The following AVEN variants were observed in gnomAD, a reference collection of about 807,000 sequenced individuals.
AVEN encodes the protein apoptosis and caspase activation inhibitor, also known as cell death regulator Aven.
In AVEN, 41 loss-of-function variants were observed where a neutral mutation model predicts 38.1. That is an observed-to-expected ratio of 1.08 (90% CI 0.84 to 1.40). The LOEUF (loss-of-function observed/expected upper bound fraction) is 1.40, where lower values mean the gene tolerates loss of function less well. Ranked by LOEUF, AVEN falls within the 40% of genes most tolerant of loss-of-function variation. The probability of loss-of-function intolerance (pLI) is 0.00; values close to 1 mark genes in which losing one functional copy is unlikely to be tolerated. For missense variants in AVEN, 605 were observed against 438.8 expected (o/e 1.38, Z -3.38); for synonymous variants, 206 against 171.8 (o/e 1.20, Z -1.56).
chr15:34,048,059 G>T (rs1899782253), intron 5 of AVEN, among the ~76,000 whole-genome samples: 1 of 145,172 alleles, frequency 6.9e-6, no homozygotes, highest in Non-Finnish European at 1.5e-5. Context: ...GTGTTTGGTA[G>T]ATATGGGAGT....
intron 2 of AVEN, among the ~76,000 whole-genome samples, chr15:33,879,929 T>C (rs1366667639): frequency 6.6e-6 from 1 of 152,170 alleles, no homozygotes; most frequent in Non-Finnish European, 1.5e-5. Context: ...ATTATGATTT[T>C]CAATAAAAAT....
chr15:33,875,884 GA>G (rs1472621506), intron 3 of AVEN, 40 bp downstream of exon 3: 1 of 1,557,456 alleles, frequency 6.4e-7, no homozygotes, highest in African/African-American at 1.4e-5. Flanking sequence ...CTTCAGCCTT[GA>G]AGAAGAGCCA....
chr15:33,902,909 G>C (rs1892547068), intron 2 of AVEN, among the ~76,000 whole-genome samples: 1 of 152,110 alleles, frequency 6.6e-6, no homozygotes, highest in African/African-American at 2.4e-5. Flanking sequence ...CTCTCCTATA[G>C]TTTGATGATC....
intron 2 of AVEN, among the ~76,000 whole-genome samples, chr15:33,950,926 G>C (rs987574432): frequency 2.0e-5 from 3 of 152,138 alleles, no homozygotes; most frequent in Admixed American, 2.0e-4. Context: ...AGGATCACTT[G>C]AGCCCAGGAG....
At chr15:33,954,641 A>G (rs1894889170) in intron 2 of AVEN, among the ~76,000 whole-genome samples, 3 of 117,698 alleles carry the variant, frequency 2.5e-5, no homozygotes, top group Non-Finnish European at 5.1e-5. Context: ...ATCACACCCC[A>G]GGGCCTGTCA....
intron 2 of AVEN, among the ~76,000 whole-genome samples, chr15:33,973,643 AC>A (rs1285898571): frequency 6.6e-6 from 1 of 152,190 alleles, no homozygotes. Flanking sequence ...GGAGTTCGAG[AC>A]CCACCTAGGC....
intron 5 of AVEN, among the ~76,000 whole-genome samples, chr15:34,050,034 C>T (rs910041374): frequency 2.0e-5 from 3 of 151,936 alleles, no homozygotes; most frequent in African/African-American, 7.3e-5. Flanking sequence ...ACTACAGGCA[C>T]CTGCCACCAT....
intron 2 of AVEN, among the ~76,000 whole-genome samples, chr15:33,958,517 G>A (rs1895042960): frequency 6.6e-6 from 1 of 151,746 alleles, no homozygotes; most frequent in Non-Finnish European, 1.5e-5. Context: ...CTTGAACTCA[G>A]GAGGCAGAGG....
chr15:33,983,125 ACT>A (rs1896226931), intron 2 of AVEN, among the ~76,000 whole-genome samples: 1 of 113,976 alleles, frequency 8.8e-6, no homozygotes, highest in African/African-American at 4.0e-5. Flanking sequence ...ATATGTCCAT[ACT>A]CTGTGTGTGT....
the AVEN span, chr15:33,853,051 T>C: frequency 6.2e-6 from 10 of 1,607,084 alleles, no homozygotes; most frequent in Admixed American, 1.7e-4. Flanking sequence ...TCAGATCTTT[T>C]CCTAATAACT....
intron 3 of AVEN, among the ~76,000 whole-genome samples, chr15:33,872,681 T>C (rs1281187703): frequency 6.6e-6 from 1 of 152,160 alleles, no homozygotes; most frequent in East Asian, 1.9e-4. Context: ...AAGGAAGTCC[T>C]ACTGGATAAG....
Position 33,958,772 on chromosome 15 carries a change from T to C in AVEN, c.445+44260A>G, listed in dbSNP as rs541814423. On this transcript the variant is annotated intron_variant, in intron 2 of 5. Coordinates refer to ENST00000306730, the MANE Select transcript of AVEN (RefSeq NM_020371.3). Reference sequence around the variant, plus strand: ...AACAGGCACCTTTGTTTATTTTACCTGGTCTGGTAGAATAGCATCCAGCTC... The same window carrying C: ...AACAGGCACCTTTGTTTATTTTACCCGGTCTGGTAGAATAGCATCCAGCTC... Among the ~76,000 whole-genome samples the C allele has an allele frequency of 3.3e-5, 5 of 152,330 alleles. No homozygotes were observed. The South Asian group carries it at 8.3e-4, about 25-fold the overall frequency.
intron 2 of AVEN, among the ~76,000 whole-genome samples, chr15:33,917,496 T>TAC (rs34698638): frequency 0.76 from 113,377 of 149,206 alleles, 47,169 homozygotes; most frequent in Non-Finnish European, 0.92. Context: ...TACATATATA[T>TAC]ACACACGGAA....
chr15:33,899,453 G>A (rs1173312813), intron 2 of AVEN, among the ~76,000 whole-genome samples: 1 of 112,204 alleles, frequency 8.9e-6, no homozygotes. Context: ...TTTGCTTCAG[G>A]GAAAACCTTT....
the AVEN span, chr15:33,852,077 AATAGTAG>A: frequency 7.3e-5 from 2 of 27,564 alleles, no homozygotes; most frequent in African/African-American, 2.0e-4. Flanking sequence ...GAGGTCAGTG[AATAGTAG>A]GAGGTCTCCA....
At position 33,917,855 on chromosome 15, in the gene AVEN, AGT is replaced by A. The variant is rs1352581715; in HGVS notation, c.446-41862_446-41861del. Among the ~76,000 whole-genome samples, 4 of 152,344 alleles carry A rather than the reference AGT, an allele frequency of 2.6e-5. No homozygotes were observed. The East Asian group carries it at 7.7e-4, about 29-fold the overall frequency. On this transcript the variant is annotated intron_variant, in intron 2 of 5. Coordinates refer to ENST00000306730, the MANE Select transcript of AVEN (RefSeq NM_020371.3). ...AGGGATAAGACTACACACTGGGTAC[AGT>A]GTACACTACTCAGGTGATGCGTGCA...
At chr15:34,040,111 C>T (rs544843369), upstream of AVEN, among the ~76,000 whole-genome samples, 8 of 152,188 alleles carry the variant, frequency 5.3e-5, no homozygotes, top group African/African-American at 1.9e-4. Flanking sequence ...CTTTTCATTG[C>T]TTCTAATTGC....
At chr15:33,881,974 C>A (rs997553520) in intron 2 of AVEN, among the ~76,000 whole-genome samples, 3 of 152,222 alleles carry the variant, frequency 2.0e-5, no homozygotes, top group African/African-American at 7.2e-5. Context: ...TAAGATTCAA[C>A]AGCTGTGTGT....
At chr15:33,864,213 C>T (rs1889584669), downstream of AVEN, 1 of 1,580,886 alleles carries the variant, frequency 6.3e-7, no homozygotes, top group African/African-American at 1.3e-5. Context: ...AATCATATAC[C>T]CGTGTTAGAT....
Sources: gnomAD v4.1 joint callset for allele counts (sites outside exome capture counted in the v4.1 genomes callset) on GRCh38, gnomAD v4.1.1 for gene constraint, MANE v1.5 for transcripts, NCBI Gene and HGNC (gene_info 2026-07-23, HGNC 2026-07-21) for gene names.